ADGRB3: variants seen among roughly 807,000 people sequenced by gnomAD.
The protein encoded by ADGRB3 is adhesion G protein-coupled receptor B3.
ADGRB3 carries 37 observed loss-of-function variants against 193.4 expected under a neutral mutation model. The ratio of observed to expected loss-of-function variants is 0.19; its 90% CI spans 0.15 to 0.25. ADGRB3 has a LOEUF of 0.25. ADGRB3 is among the 10% of genes least tolerant of loss of function. The pLI is 1.00. For missense variants in ADGRB3, 1,637 were observed against 1,852.9 expected (o/e 0.88, Z 2.14); for synonymous variants, 690 against 644.2 (o/e 1.07, Z -1.08).
chr6:68,948,099 A>C (rs1047436426), intron 6 of ADGRB3, among the ~76,000 whole-genome samples: 2 of 152,152 alleles, frequency 1.3e-5, no homozygotes, highest in Admixed American at 1.3e-4. Context: ...ACCTTAATAA[A>C]TCATCTAGGT....
At chr6:69,138,393 CT>C (rs1194010427) in intron 17 of ADGRB3, among the ~76,000 whole-genome samples, 11 of 152,198 alleles carry the variant, frequency 7.2e-5, no homozygotes, top group African/African-American at 2.7e-4. Flanking sequence ...TGTAATGACT[CT>C]GACATGGTAC....
At chr6:69,339,595 A>G (rs1768932953) in intron 26 of ADGRB3, 91 bp downstream of exon 26, 1 of 1,415,812 alleles carries the variant, frequency 7.1e-7, no homozygotes, top group Admixed American at 1.9e-5. Context: ...TGATGTTCAG[A>G]TTAAAGCTGG....
At chr6:69,083,998 G>C (rs2793460) in intron 17 of ADGRB3, among the ~76,000 whole-genome samples, 152,181 of 152,182 alleles carry the variant, frequency 1, 76,090 homozygotes, top group Middle Eastern at 1. Context: ...TGGTCTCAAA[G>C]ACCTGACCTC....
intron 29 of ADGRB3, among the ~76,000 whole-genome samples, chr6:69,367,064 T>A (rs1466271298): frequency 6.6e-6 from 1 of 152,110 alleles, no homozygotes; most frequent in East Asian, 1.9e-4. Context: ...GGGAAGCATC[T>A]GAAAGTGTCA....
intron 3 of ADGRB3, among the ~76,000 whole-genome samples, chr6:68,884,093 C>T (rs12215318): frequency 0.017 from 2,643 of 152,254 alleles, 24 homozygotes; most frequent in Non-Finnish European, 0.026. Context: ...CTCTCTCTTG[C>T]GAATGAGATC....
intron 17 of ADGRB3, among the ~76,000 whole-genome samples, chr6:69,143,941 G>T (rs1210249383): frequency 6.6e-6 from 1 of 152,076 alleles, no homozygotes; most frequent in South Asian, 2.1e-4. Context: ...TTTTAAAATG[G>T]ATTGCACTGA....
At chr6:68,899,358 G>A (rs953691084) in intron 3 of ADGRB3, among the ~76,000 whole-genome samples, 1 of 151,688 alleles carries the variant, frequency 6.6e-6, no homozygotes, top group Non-Finnish European at 1.5e-5. Flanking sequence ...AGTTACATAT[G>A]TATACATGTG....
At chr6:68,865,276 C>A (rs1028565295) in intron 3 of ADGRB3, among the ~76,000 whole-genome samples, 2 of 151,934 alleles carry the variant, frequency 1.3e-5, no homozygotes, top group Non-Finnish European at 2.9e-5. Flanking sequence ...AATGAAAAGT[C>A]CAGTTCTGAT....
At chr6:68,772,116 A>T (rs1766630378) in intron 3 of ADGRB3, among the ~76,000 whole-genome samples, 1 of 152,144 alleles carries the variant, frequency 6.6e-6, no homozygotes, top group South Asian at 2.1e-4. Flanking sequence ...ATCAGTTAGG[A>T]AGCTATGGCA....
chr6:68,855,378 ATTAAT>A (rs1184886912), intron 3 of ADGRB3, among the ~76,000 whole-genome samples: 2 of 152,096 alleles, frequency 1.3e-5, no homozygotes, highest in African/African-American at 4.8e-5. Flanking sequence ...GATCCATAAA[ATTAAT>A]TTAAACACTT....
intron 20 of ADGRB3, among the ~76,000 whole-genome samples, chr6:69,312,041 G>A (rs570653712): frequency 4.6e-5 from 7 of 151,818 alleles, no homozygotes; most frequent in African/African-American, 1.7e-4. Flanking sequence ...AGCTCACTAG[G>A]AGCATGCCTA....
intron 17 of ADGRB3, among the ~76,000 whole-genome samples, chr6:69,227,702 C>T (rs977342886): frequency 6.6e-6 from 1 of 152,148 alleles, no homozygotes; most frequent in Admixed American, 6.5e-5. Context: ...AAAGCACCCA[C>T]TAAATACATA....
At chr6:69,000,221 A>G (rs1769529188) in intron 11 of ADGRB3, among the ~76,000 whole-genome samples, 1 of 152,226 alleles carries the variant, frequency 6.6e-6, no homozygotes, top group South Asian at 2.1e-4. Flanking sequence ...GATAATAGTC[A>G]ATTCATTGTT....
chr6:68,984,045 G>A (rs185450996), intron 10 of ADGRB3, among the ~76,000 whole-genome samples: 6 of 152,264 alleles, frequency 3.9e-5, no homozygotes, highest in Admixed American at 2.6e-4. Context: ...ACTGGCCAGA[G>A]GTAGTAAGCA....
intron 3 of ADGRB3, among the ~76,000 whole-genome samples, chr6:68,667,685 G>T (rs566278490): frequency 1.6e-4 from 25 of 151,770 alleles, no homozygotes; most frequent in Admixed American, 1.5e-3. Context: ...TGTTATTTTT[G>T]CCATATTCTA....
chr6:68,853,160 A>T (rs2127391678), intron 3 of ADGRB3, among the ~76,000 whole-genome samples: 1 of 152,198 alleles, frequency 6.6e-6, no homozygotes, highest in East Asian at 1.9e-4. Flanking sequence ...ACCCATGAGT[A>T]AAGCTTTAAT....
At chr6:69,206,045 G>GTGTGTATA (rs1327162820) in intron 17 of ADGRB3, among the ~76,000 whole-genome samples, 6 of 99,930 alleles carry the variant, frequency 6.0e-5, no homozygotes, top group African/African-American at 1.9e-4. Flanking sequence ...TATAATAATG[G>GTGTGTATA]TATATATATA....
intron 3 of ADGRB3, among the ~76,000 whole-genome samples, chr6:68,894,721 G>T (rs1766172198): frequency 6.6e-6 from 1 of 151,934 alleles, no homozygotes; most frequent in Non-Finnish European, 1.5e-5. Context: ...AACTCTTTCT[G>T]ATCTCAGAAA....
chr6:68,759,887 A>C (rs896829571), intron 3 of ADGRB3, among the ~76,000 whole-genome samples: 1 of 152,108 alleles, frequency 6.6e-6, no homozygotes, highest in African/African-American at 2.4e-5. Context: ...CATATATTGT[A>C]AAATTTGACC....
Sources: allele counts gnomAD v4.1 joint callset (sites outside exome capture counted in the v4.1 genomes callset), GRCh38; gene constraint gnomAD v4.1.1; transcripts MANE v1.5; gene names NCBI Gene and HGNC (gene_info 2026-07-23, HGNC 2026-07-21).